KNL1: variants seen among roughly 807,000 people sequenced by gnomAD.
KNL1 encodes the protein outer kinetochore KNL1 complex subunit KNL1.
In KNL1, 66 loss-of-function variants were observed where a neutral mutation model predicts 201.3. That is an observed-to-expected ratio of 0.33 (90% CI 0.27 to 0.40). The LOEUF (loss-of-function observed/expected upper bound fraction) is 0.40, where lower values mean the gene tolerates loss of function less well. KNL1 is among the 10% of genes least tolerant of loss of function. The probability of loss-of-function intolerance (pLI) is 1.00; values close to 1 mark genes in which losing one functional copy is unlikely to be tolerated. For missense variants in KNL1, 2,815 were observed against 2,690.5 expected (o/e 1.05, Z -1.02); for synonymous variants, 895 against 899.2 (o/e 1.00, Z 0.08).
At chr15:40,651,746 T>C (rs776376150) in intron 20 of KNL1, among the ~76,000 whole-genome samples, 174 bp downstream of exon 20, 1 of 152,234 alleles carries the variant, frequency 6.6e-6, no homozygotes, top group Non-Finnish European at 1.5e-5. Flanking sequence ...AGAAGAACTA[T>C]GGAATTATAA....
intron 13 of KNL1, among the ~76,000 whole-genome samples, chr15:40,630,672 T>G (rs1355693402): frequency 6.6e-6 from 1 of 152,148 alleles, no homozygotes; most frequent in Non-Finnish European, 1.5e-5. Flanking sequence ...GTGTACCCCT[T>G]ATGAGAATCT....
At chr15:40,612,549 C>T (rs1487855136) in intron 7 of KNL1, among the ~76,000 whole-genome samples, 2 of 151,850 alleles carry the variant, frequency 1.3e-5, no homozygotes, top group African/African-American at 4.8e-5. Flanking sequence ...ACGGCATCTT[C>T]CTCTGTCGCC....
Position 40,622,394 on chromosome 15 carries a change from GA to G in KNL1, c.2135del (p.Asn712IlefsTer6). The part of the protein sequence containing the change: ...PLFSSGQFSM[K>X]NHDTAISSHT... ...TATTTTCATCAGGACAGTTCTCTAT[GA>G]AAAATCATGATACTGCTATAAGTAG... On this transcript the variant is annotated frameshift_variant, in exon 10 of 26. Transcript: ENST00000399668. LOFTEE classifies it high-confidence loss of function. 6.2e-7 allele frequency: 1 copy of G among 1,613,754 alleles called. No homozygotes were observed. The highest frequency in any genetic ancestry group is 8.5e-7 in the Non-Finnish European group (1 of 1,179,818).
chr15:40,605,855 G>C (rs1181924372), intron 3 of KNL1, among the ~76,000 whole-genome samples: 1 of 152,206 alleles, frequency 6.6e-6, no homozygotes, highest in African/African-American at 2.4e-5. Flanking sequence ...CATGACACCA[G>C]TACTAGGATT....
intron 7 of KNL1, among the ~76,000 whole-genome samples, chr15:40,612,040 G>A (rs770373420): frequency 3.0e-4 from 45 of 151,956 alleles, no homozygotes; most frequent in Admixed American, 2.6e-3. Context: ...AAAATTGGCC[G>A]GGCACAGTGG....
intron 22 of KNL1, among the ~76,000 whole-genome samples, chr15:40,655,789 G>T (rs1893711068): frequency 6.6e-6 from 1 of 151,338 alleles, no homozygotes; most frequent in South Asian, 2.1e-4. Context: ...GGTGGCTGGC[G>T]CCTGTAGTCC....
chr15:40,617,631 C>T (rs555717218), intron 8 of KNL1, among the ~76,000 whole-genome samples: 1 of 152,304 alleles, frequency 6.6e-6, no homozygotes, highest in South Asian at 2.1e-4. Flanking sequence ...ATGTTCTGTG[C>T]TCCCATAACA....
chr15:40,606,633 C>T (rs1432931485), intron 4 of KNL1, among the ~76,000 whole-genome samples, 181 bp downstream of exon 4: 1 of 152,244 alleles, frequency 6.6e-6, no homozygotes, highest in Non-Finnish European at 1.5e-5. Flanking sequence ...GCATCTCCCT[C>T]TCTTACCCAG....
chr15:40,661,456 A>G (rs535187731), intron 25 of KNL1, among the ~76,000 whole-genome samples: 46 of 152,186 alleles, frequency 3.0e-4, no homozygotes, highest in African/African-American at 1.1e-3. Context: ...TGTGCCACTA[A>G]CTGCACTCCA....
rs1893756431 is a variant in KNL1, at chr15:40,657,075, A to G, written c.6518A>G (p.His2173Arg). 2 of 1,601,274 alleles carry G rather than the reference A, an allele frequency of 1.2e-6. No individual in the cohort carries two copies. Among genetic ancestry groups the G allele is most frequent in the Non-Finnish European group, 1.7e-6 (2 of 1,173,728 alleles). ...DQAPPSSLLV[H>R]KLIFQYVEEK... ...GCTCCTCCTTCCTCCCTTTTAGTTC[A>G]TAAGCTTATTTTCCAGTACGTTGAA... Residue 2173 changes from histidine to arginine, a missense_variant, in exon 23 of 26, where the codon CAT becomes CGT. Physicochemically the swap from His to Arg is conservative, Grantham distance 29 (BLOSUM62 0). Around this residue, in one of 3 missense-constraint regions of KNL1, gnomAD observed 334 missense variants for 362.6 expected, o/e 0.92. Coordinates refer to ENST00000399668, the MANE Select transcript of KNL1 (RefSeq NM_144508.5).
intron 13 of KNL1, among the ~76,000 whole-genome samples, chr15:40,638,648 C>A (rs1051584293): frequency 9.2e-5 from 14 of 151,754 alleles, no homozygotes; most frequent in Non-Finnish European, 1.8e-4. Flanking sequence ...CCCACCACCA[C>A]GCCCGGCTAA....
chr15:40,659,534 C>T lies in KNL1; in HGVS notation c.6836+73C>T, dbSNP rs892501027. ...TTGAGATGGAGTCTGGCTCTGTTGC[C>T]CAGGCTGGAGTGTAGTGGCGCAATC... is the stretch of plus-strand genomic sequence containing the variant. On this transcript the variant is annotated intron_variant, in intron 25 of 25. Transcript: ENST00000399668. 14 of 1,455,130 alleles carry T rather than the reference C, an allele frequency of 9.6e-6. No homozygotes were observed. In the Admixed American group the frequency reaches 1.2e-4, roughly 13 times the overall value. The allele number at this position is 1,455,130 out of a possible 1,614,324, so 90.1% of individuals were successfully genotyped here.
intron 14 of KNL1, among the ~76,000 whole-genome samples, chr15:40,641,560 C>T (rs1423348788): frequency 2.0e-5 from 3 of 152,154 alleles, no homozygotes; most frequent in African/African-American, 4.8e-5. Flanking sequence ...CACATAAATA[C>T]GTAAGTACTT....
At chr15:40,609,461 T>C (rs1213094870) in intron 5 of KNL1, among the ~76,000 whole-genome samples, 1 of 152,042 alleles carries the variant, frequency 6.6e-6, no homozygotes, top group East Asian at 1.9e-4. Flanking sequence ...ATACCTAATA[T>C]TAGCAGAATT....
At chr15:40,654,238 G>A (rs1292847124) in intron 21 of KNL1, among the ~76,000 whole-genome samples, 5 of 152,144 alleles carry the variant, frequency 3.3e-5, no homozygotes, top group African/African-American at 7.2e-5. Flanking sequence ...AATGCTAAAA[G>A]CATAACTCAT....
intron 6 of KNL1, chr15:40,610,790 G>T: frequency 2.2e-6 from 1 of 455,662 alleles, no homozygotes; most frequent in Non-Finnish European, 4.4e-6. Context: ...TTTCACTGTT[G>T]TTCCCCAGGC....
chr15:40,603,923 G>A (rs140967064), intron 2 of KNL1, among the ~76,000 whole-genome samples: 19 of 152,266 alleles, frequency 1.2e-4, no homozygotes, highest in African/African-American at 4.6e-4. Context: ...TCAGGTCATT[G>A]CCATGGAAAG....
intron 8 of KNL1, among the ~76,000 whole-genome samples, chr15:40,617,735 G>T (rs936435970): frequency 6.6e-6 from 1 of 151,846 alleles, no homozygotes; most frequent in African/African-American, 2.4e-5. Context: ...TTTTTTGCAG[G>T]CGGTGGGAGA....
intron 13 of KNL1, among the ~76,000 whole-genome samples, chr15:40,639,527 A>G (rs970055468): frequency 8.0e-5 from 12 of 150,094 alleles, no homozygotes; most frequent in African/African-American, 2.2e-4. Context: ...GGAGGTTGCA[A>G]TGAGCTGAGA....
Sources: gnomAD v4.1 joint callset for allele counts (sites outside exome capture counted in the v4.1 genomes callset) on GRCh38, gnomAD v4.1.1 for gene constraint, gnomAD v4.1.1 regional missense constraint, MANE v1.5 for transcripts, NCBI Gene and HGNC (gene_info 2026-07-23, HGNC 2026-07-21) for gene names.